Variants in DACH2 observed in about 807,000 individuals in gnomAD.
DACH2 encodes dachshund family transcription factor 2.
In DACH2, 17 loss-of-function variants were observed where a neutral mutation model predicts 35.8. The ratio of observed to expected loss-of-function variants is 0.48; its 90% confidence interval spans 0.33 to 0.71. The LOEUF is 0.71. Among genes scored for constraint, DACH2 ranks in the 30% least tolerant of loss-of-function variants. The probability of loss-of-function intolerance (pLI) is 0.02; values close to 1 mark genes in which losing one functional copy is unlikely to be tolerated. For missense variants in DACH2, 469 were observed against 472.7 expected, an observed-to-expected ratio of 0.99 and a Z score of 0.07; for synonymous variants, 195 against 177.3, an observed-to-expected ratio of 1.10 and a Z score of -0.79.
chrX:86,524,081 A>T (rs755989068), intron 3 of DACH2, among the ~76,000 whole-genome samples: 2 of 112,604 alleles, frequency 1.8e-5, no homozygotes, highest in Non-Finnish European at 3.8e-5. Flanking sequence ...CCCAGGAATG[A>T]CCAAGGACAG....
At chrX:86,730,563 T>A (rs1432258966) in intron 6 of DACH2, among the ~76,000 whole-genome samples, 1 of 112,028 alleles carries the variant, frequency 8.9e-6, no homozygotes, top group South Asian at 3.7e-4. Flanking sequence ...GTTTAAAAAA[T>A]TTGTTGATCC....
intron 6 of DACH2, among the ~76,000 whole-genome samples, chrX:86,726,435 A>AGTC (rs1476806126): frequency 9.0e-6 from 1 of 110,985 alleles, no homozygotes; most frequent in Non-Finnish European, 1.9e-5. Flanking sequence ...TAGAAAGTGA[A>AGTC]GTCTGCTTAT....
intron 7 of DACH2, among the ~76,000 whole-genome samples, chrX:86,788,003 G>GTTT (rs896696855): frequency 9.0e-6 from 1 of 111,248 alleles, no homozygotes; most frequent in Admixed American, 9.6e-5. Flanking sequence ...TTGACTTGGG[G>GTTT]TTTTATATGT....
At chrX:86,529,270 C>T (rs146174971) in intron 3 of DACH2, among the ~76,000 whole-genome samples, 595 of 110,959 alleles carry the variant, frequency 5.4e-3, no homozygotes, top group African/African-American at 0.019. Context: ...GCCTTGAACT[C>T]CTGGCCTAAA....
chrX:86,384,180 A>G (rs1292436324), intron 2 of DACH2, among the ~76,000 whole-genome samples: 1 of 111,000 alleles, frequency 9.0e-6, no homozygotes, highest in African/African-American at 3.3e-5. Flanking sequence ...AGATGTAACT[A>G]AATGACTGAG....
chrX:86,783,068 G>GA (rs1214491651), intron 7 of DACH2, among the ~76,000 whole-genome samples: 3 of 111,011 alleles, frequency 2.7e-5, no homozygotes, highest in Admixed American at 9.6e-5. Context: ...AACTGTATAG[G>GA]AAAAAAATCT....
intron 2 of DACH2, among the ~76,000 whole-genome samples, chrX:86,386,798 G>A (rs538891558): frequency 1.1e-3 from 120 of 110,789 alleles, no homozygotes; most frequent in African/African-American, 3.7e-3. Context: ...TCCTGCTCCA[G>A]TCCTGGAGTC....
intron 11 of DACH2, chrX:86,827,934 T>A (rs1443446211): frequency 1.4e-5 from 8 of 582,402 alleles, no homozygotes; most frequent in Admixed American, 3.7e-5. Flanking sequence ...ACCTTACACA[T>A]ACAGGAAAAA....
At chrX:86,634,750 A>G (rs1196032091) in intron 3 of DACH2, among the ~76,000 whole-genome samples, 1 of 111,954 alleles carries the variant, frequency 8.9e-6, no homozygotes, top group Non-Finnish European at 1.9e-5. Flanking sequence ...AAGATCTGTA[A>G]AAGAAAACTA....
chrX:86,399,814 T>G (rs2036385985), intron 2 of DACH2, among the ~76,000 whole-genome samples: 1 of 111,793 alleles, frequency 8.9e-6, no homozygotes, highest in Non-Finnish European at 1.9e-5. Context: ...GCCCTTAACA[T>G]TTTTTCCTTC....
chrX:86,714,401 C>A, intron 5 of DACH2, 147 bp from the exon 6 acceptor site: 2 of 347,840 alleles, frequency 5.7e-6, no homozygotes, highest in Non-Finnish European at 9.9e-6. Flanking sequence ...TATAAAATAA[C>A]ACAGGTACTA....
intron 7 of DACH2, among the ~76,000 whole-genome samples, chrX:86,790,954 T>A (rs2042181585): frequency 8.9e-6 from 1 of 112,129 alleles, no homozygotes; most frequent in Admixed American, 9.5e-5. Flanking sequence ...ATGTTACATG[T>A]ATTATATACT....
intron 4 of DACH2, among the ~76,000 whole-genome samples, chrX:86,661,374 A>G (rs1485211843): frequency 8.9e-6 from 1 of 112,599 alleles, no homozygotes; most frequent in Non-Finnish European, 1.9e-5. Context: ...ATCTACTATT[A>G]CATTGTACTC....
At chrX:86,495,126 C>T (rs955971499) in intron 2 of DACH2, among the ~76,000 whole-genome samples, 2 of 111,172 alleles carry the variant, frequency 1.8e-5, no homozygotes, top group African/African-American at 6.5e-5. Flanking sequence ...TGGCTCACTG[C>T]ACCCTCCGCC....
chrX:86,563,328 G>A (rs2039251054), intron 3 of DACH2, among the ~76,000 whole-genome samples: 1 of 110,128 alleles, frequency 9.1e-6, no homozygotes, highest in African/African-American at 3.3e-5. Context: ...TGGATTTCAA[G>A]TAAATGTTAA....
chrX:86,587,535 T>A (rs921451882), intron 3 of DACH2, among the ~76,000 whole-genome samples: 1 of 111,319 alleles, frequency 9.0e-6, no homozygotes, highest in Non-Finnish European at 1.9e-5. Flanking sequence ...TTCAGTATGA[T>A]GTTGGATGTG....
At chrX:86,330,793 A>G (rs1372475420) in intron 1 of DACH2, among the ~76,000 whole-genome samples, 1 of 111,458 alleles carries the variant, frequency 9.0e-6, no homozygotes, top group Non-Finnish European at 1.9e-5. Flanking sequence ...ATACTTTTAG[A>G]CAGTAATATA....
chrX:86,226,652 C>A (rs1054492797), intron 1 of DACH2, among the ~76,000 whole-genome samples: 4 of 111,687 alleles, frequency 3.6e-5, no homozygotes, highest in African/African-American at 1.3e-4. Flanking sequence ...AATTTCTTTA[C>A]AAAATCACAA....
chrX:86,761,869 G>T (rs2041886056), intron 7 of DACH2, among the ~76,000 whole-genome samples: 1 of 97,788 alleles, frequency 1.0e-5, no homozygotes, highest in African/African-American at 3.7e-5. Context: ...CATGATAGTG[G>T]GTCTAAAAAG....
Sources: allele counts gnomAD v4.1 joint callset (sites outside exome capture counted in the v4.1 genomes callset), GRCh38; gene constraint gnomAD v4.1.1; transcripts MANE v1.5; gene names NCBI Gene and HGNC (gene_info 2026-07-23, HGNC 2026-07-21).